IFT70B: variants seen among roughly 807,000 people sequenced by gnomAD.
IFT70B encodes the protein intraflagellar transport protein 70B.
chr2:177,552,342 C>G, the IFT70B span: 2 of 1,614,280 alleles, frequency 1.2e-6, no homozygotes, highest in Non-Finnish European at 1.7e-6. Flanking sequence ...CCCTTCCCTA[C>G]TCGGCAGCTG....
At chr2:177,550,704 T>C in the IFT70B span, 1 of 1,404,820 alleles carries the variant, frequency 7.1e-7, no homozygotes, top group East Asian at 2.3e-5. Context: ...TGCCAAAGGG[T>C]AAATAAAGCG....
the IFT70B span, chr2:177,550,622 G>A: frequency 2.9e-6 from 2 of 682,924 alleles, no homozygotes; most frequent in Non-Finnish European, 4.4e-6. Flanking sequence ...AAATTTAACA[G>A]CAAAAGTTTT....
the IFT70B span, chr2:177,550,875 A>G: frequency 5.0e-6 from 8 of 1,614,040 alleles, no homozygotes; most frequent in South Asian, 3.3e-5. Context: ...GGGTTGTTCA[A>G]TAACAGCAGG....
the IFT70B span, chr2:177,550,873 C>T: frequency 1.2e-6 from 2 of 1,614,040 alleles, no homozygotes; most frequent in African/African-American, 2.7e-5. Context: ...AGGGGTTGTT[C>T]AATAACAGCA....
chr2:177,552,016 G>T, the IFT70B span: 2 of 1,614,222 alleles, frequency 1.2e-6, no homozygotes, highest in East Asian at 4.5e-5. Context: ...GCTTCCACCA[G>T]AGCAGTCTGA....
the IFT70B span, chr2:177,551,908 C>T: frequency 7.4e-6 from 12 of 1,614,068 alleles, no homozygotes; most frequent in South Asian, 1.1e-5. Context: ...GTCACAGGGT[C>T]CAACTCTTCC....
the IFT70B span, chr2:177,551,591 C>T: frequency 6.2e-7 from 1 of 1,614,072 alleles, no homozygotes; most frequent in African/African-American, 1.3e-5. Flanking sequence ...TGGTAAGTTT[C>T]CGGAGGACCT....
the IFT70B span, chr2:177,552,266 C>T: frequency 6.2e-7 from 1 of 1,614,260 alleles, no homozygotes; most frequent in Non-Finnish European, 8.5e-7. Flanking sequence ...ACTGTCCCTC[C>T]TTGTAGAGCA....
chr2:177,551,025 G>A, the IFT70B span: 3 of 1,614,128 alleles, frequency 1.9e-6, no homozygotes, highest in Non-Finnish European at 1.7e-6. Flanking sequence ...CCAGGTGTCT[G>A]TTCCCAGCTT....
At chr2:177,549,566 A>G in the IFT70B span, 1 of 152,206 alleles carries the variant, frequency 6.6e-6, no homozygotes, top group African/African-American at 2.4e-5. Context: ...TCAGTCTAAT[A>G]CACTTGATTT....
chr2:177,549,241 C>T, the IFT70B span: 2 of 152,188 alleles, frequency 1.3e-5, no homozygotes, highest in African/African-American at 4.8e-5. Flanking sequence ...ACTAAAGCAT[C>T]AGTGGTAAAT....
At chr2:177,550,990 A>C in the IFT70B span, 2 of 1,614,074 alleles carry the variant, frequency 1.2e-6, no homozygotes, top group Non-Finnish European at 1.7e-6. Context: ...TCTAACAAGG[A>C]CAGGAAGCAT....
the IFT70B span, chr2:177,552,632 G>A: frequency 2.5e-6 from 4 of 1,588,646 alleles, 1 homozygote; most frequent in South Asian, 4.5e-5. Flanking sequence ...GGCCGGCGCG[G>A]CTCCTAGGGC....
At chr2:177,552,292 T>C in the IFT70B span, 214 of 1,614,128 alleles carry the variant, frequency 1.3e-4, no homozygotes, top group Non-Finnish European at 1.6e-4. Context: ...CCCAGGTTGA[T>C]CTGGCCATCG....
At chr2:177,551,626 C>G in the IFT70B span, 2 of 1,614,084 alleles carry the variant, frequency 1.2e-6, no homozygotes, top group East Asian at 2.2e-5. Context: ...GCTAGCCCAT[C>G]AAGCTTAATG....
chr2:177,552,222 A>T, the IFT70B span: 36 of 1,614,142 alleles, frequency 2.2e-5, no homozygotes, highest in African/African-American at 4.4e-4. Context: ...CGAGGCCTGC[A>T]GGGCGGCAAA....
chr2:177,552,758 A>C, the IFT70B span: 2 of 1,555,150 alleles, frequency 1.3e-6, no homozygotes, highest in South Asian at 2.4e-5. Flanking sequence ...CGCTCAGGCC[A>C]GCCATAACCA....
the IFT70B span, chr2:177,552,599 G>A: frequency 1.9e-6 from 3 of 1,595,256 alleles, no homozygotes; most frequent in Admixed American, 5.3e-5. Context: ...GCAGGCGGTA[G>A]TAGCAGTAGC....
chr2:177,549,728 C>T, the IFT70B span: 1 of 152,070 alleles, frequency 6.6e-6, no homozygotes, highest in Admixed American at 6.6e-5. Flanking sequence ...CTCCAAATAA[C>T]TCTTGGGAGT....
Sources: allele counts gnomAD v4.1 joint callset, GRCh38; gene constraint gnomAD v4.1.1; transcripts MANE v1.5; gene names NCBI Gene and HGNC (gene_info 2026-07-23, HGNC 2026-07-21).